The following SLC2A5 variants were observed in gnomAD, a reference collection of about 807,000 sequenced individuals.
SLC2A5 encodes solute carrier family 2 member 5, also known as solute carrier family 2, facilitated glucose transporter member 5.
In SLC2A5, 56 loss-of-function variants were observed where a neutral mutation model predicts 50.3. The observed-to-expected ratio is 1.11, with a 90% CI of 0.90 to 1.39. The LOEUF (loss-of-function observed/expected upper bound fraction) is 1.39. SLC2A5 is among the 40% of genes most tolerant of loss of function. SLC2A5 has a pLI of 0.00. For missense variants in SLC2A5, 566 were observed against 650.1 expected, an observed-to-expected ratio of 0.87 and a Z score of 1.41; for synonymous variants, 269 against 281.9, an observed-to-expected ratio of 0.95 and a Z score of 0.46.
At chr1:9,056,311 G>A (rs1280658098) in intron 3 of SLC2A5, among the ~76,000 whole-genome samples, 4 of 151,992 alleles carry the variant, frequency 2.6e-5, no homozygotes, top group Admixed American at 2.0e-4. Flanking sequence ...TCAGCCTCCC[G>A]AGTAGGGGGG....
intron 1 of SLC2A5, among the ~76,000 whole-genome samples, chr1:9,060,188 TACAC>T (rs1322991416): frequency 1.6e-5 from 2 of 127,982 alleles, no homozygotes; most frequent in Admixed American, 8.0e-5. Context: ...ATACACACAC[TACAC>T]ACACACTACA....
chr1:9,085,056 T>A (rs897525308), exon 2 of SLC2A5: 15 of 152,604 alleles, frequency 9.8e-5, no homozygotes, highest in African/African-American at 3.4e-4. Flanking sequence ...TTGGTGTTGA[T>A]GTGGGCACTG....
chr1:9,049,799 A>G (rs747739489), intron 3 of SLC2A5, among the ~76,000 whole-genome samples: 144 of 152,268 alleles, frequency 9.5e-4, no homozygotes, highest in Non-Finnish European at 1.5e-3. Flanking sequence ...GATCCTTGAC[A>G]AAGGAGCAAA....
intron 7 of SLC2A5, 42 bp from the exon 8 acceptor site, chr1:9,039,704 C>T (rs761217627): frequency 1.4e-6 from 2 of 1,456,648 alleles, no homozygotes; most frequent in Non-Finnish European, 1.8e-6. Context: ...CCGGAGGAGG[C>T]GGCCTCGGCG....
upstream of SLC2A5, among the ~76,000 whole-genome samples, chr1:9,089,476 G>C (rs946778715): frequency 6.6e-6 from 1 of 152,052 alleles, no homozygotes; most frequent in African/African-American, 2.4e-5. Flanking sequence ...CATCTCAGTG[G>C]GATCTCCTAA....
chr1:9,055,720 A>G (rs1242738107), intron 3 of SLC2A5, among the ~76,000 whole-genome samples: 4 of 152,040 alleles, frequency 2.6e-5, no homozygotes, highest in Non-Finnish European at 5.9e-5. Flanking sequence ...GTTTGAGACC[A>G]GCCTGGCCAA....
chr1:9,060,453 CCA>C (rs1271725942), intron 1 of SLC2A5, among the ~76,000 whole-genome samples: 1 of 146,858 alleles, frequency 6.8e-6, no homozygotes, highest in Admixed American at 6.8e-5. Context: ...CACACACCTC[CCA>C]CACACACCCC....
chr1:9,071,282 C>T (rs972160138), upstream of SLC2A5, among the ~76,000 whole-genome samples: 1 of 152,146 alleles, frequency 6.6e-6, no homozygotes, highest in African/African-American at 2.4e-5. Context: ...TGGTGGCAGA[C>T]GCCTGTAATC....
chr1:9,066,109 G>A (rs1158043755), intron 1 of SLC2A5, among the ~76,000 whole-genome samples: 4 of 152,154 alleles, frequency 2.6e-5, no homozygotes, highest in African/African-American at 9.7e-5. Flanking sequence ...GAGCACAGAG[G>A]GGTGTCAGTT....
At chr1:9,057,665 A>G (rs1385177351) in intron 2 of SLC2A5, 57 bp from the exon 3 acceptor site, 7 of 1,509,470 alleles carry the variant, frequency 4.6e-6, no homozygotes, top group Non-Finnish European at 5.5e-6. Flanking sequence ...TTGCAAGAAG[A>G]ACATTAGCTG....
chr1:9,090,763 G>A (rs1245790205), upstream of SLC2A5, among the ~76,000 whole-genome samples: 3 of 152,180 alleles, frequency 2.0e-5, no homozygotes, highest in African/African-American at 4.8e-5. Flanking sequence ...TCCTCCCCCA[G>A]GGGTTTAGGG....
rs70985579 is a variant in SLC2A5, at chr1:9,063,681, C to CTTTTTTTTTTTTTT, written c.34-5445_34-5432dup. ...AGCCAACACATCAGGCTATTATTTA[C>CTTTTTTTTTTTTTT]TTTTTTTTTTTTTTTTTTTTTTTTT... On this transcript the variant is annotated intron_variant, in intron 1 of 11. Coordinates refer to ENST00000377424, the MANE Select transcript of SLC2A5 (RefSeq NM_003039.3). 2.2e-4 allele frequency among the ~76,000 whole-genome samples: 10 copies of CTTTTTTTTTTTTTT among 45,144 alleles called. 1 individual carries two copies. Among genetic ancestry groups the CTTTTTTTTTTTTTT allele is most frequent in the African/African-American group, 1.1e-3 (10 of 9,072 alleles). The allele number at this position is 45,144 out of a possible 152,430, so 29.6% of individuals were successfully genotyped here. A position where few individuals can be genotyped will look rare whatever the true frequency, so the allele number is the denominator to read the frequency against.
chr1:9,047,239 G>T (rs949137189), intron 4 of SLC2A5, among the ~76,000 whole-genome samples: 3 of 152,152 alleles, frequency 2.0e-5, no homozygotes, highest in African/African-American at 7.2e-5. Flanking sequence ...TGGATTGCAG[G>T]TGTGAGCCAC....
intron 2 of SLC2A5, among the ~76,000 whole-genome samples, chr1:9,075,382 C>T (rs1642271635): frequency 6.6e-6 from 1 of 152,164 alleles, no homozygotes; most frequent in Non-Finnish European, 1.5e-5. Flanking sequence ...CCTATAAAAT[C>T]TCCAGCAAGC....
intron 4 of SLC2A5, among the ~76,000 whole-genome samples, chr1:9,044,557 TG>T (rs1641391369): frequency 6.6e-6 from 1 of 152,046 alleles, no homozygotes; most frequent in Non-Finnish European, 1.5e-5. Flanking sequence ...TGTGTTGGTT[TG>T]TTTGTTTTGT....
upstream of SLC2A5, among the ~76,000 whole-genome samples, chr1:9,092,072 C>T (rs138544396): frequency 6.6e-3 from 1,010 of 152,286 alleles, 5 homozygotes; most frequent in African/African-American, 0.023. Context: ...CATCTATTAA[C>T]GGCAGTTCTA....
Position 9,040,242 on chromosome 1 carries a change from C to A in SLC2A5, c.572-53G>T. On this transcript the variant is annotated intron_variant, in intron 5 of 11. Coordinates refer to ENST00000377424, the MANE Select transcript of SLC2A5 (RefSeq NM_003039.3). The surrounding 1 kb of genome is among the most constrained non-coding windows in gnomAD (Gnocchi z 4.3). ...AGCGGCCTCCCCACCACCCCGAAGG[C>A]GCCCTCTGCAGAGCCGGCCCCAGCC... is the stretch of plus-strand genomic sequence containing the variant. The A allele has an allele frequency of 6.5e-7, 1 of 1,528,764 alleles. No homozygotes were observed. The highest frequency in any genetic ancestry group is 8.8e-7 in the Non-Finnish European group (1 of 1,142,080). The allele number at this position is 1,528,764 out of a possible 1,614,324, so 94.7% of individuals were successfully genotyped here. A position where few individuals can be genotyped will look rare whatever the true frequency, so the allele number is the denominator to read the frequency against.
chr1:9,075,809 T>C (rs1458549377), intron 2 of SLC2A5, among the ~76,000 whole-genome samples: 1 of 151,998 alleles, frequency 6.6e-6, no homozygotes, highest in Non-Finnish European at 1.5e-5. Context: ...TACAGGCACC[T>C]GCCACCATGC....
Position 9,037,803 on chromosome 1 carries a change from G to A in SLC2A5, c.1303-14C>T. 6.2e-7 allele frequency: 1 copy of A among 1,614,068 alleles called. No individual in the cohort carries two copies. Among genetic ancestry groups the A allele is most frequent in the Non-Finnish European group, 8.5e-7 (1 of 1,180,012 alleles). On this transcript the variant is annotated splice_polypyrimidine_tract_variant and intron_variant, in intron 11 of 11. Transcript: ENST00000377424. ...GCCGAGGCCCTCCTGCGGGAAGAGG[G>A]GCAGGTGACACGTGTGGGACGTGGT...
Sources: allele counts gnomAD v4.1 joint callset (sites outside exome capture counted in the v4.1 genomes callset), GRCh38; gene constraint gnomAD v4.1.1; non-coding constraint Gnocchi (gnomAD v3.1); transcripts MANE v1.5; gene names NCBI Gene and HGNC (gene_info 2026-07-23, HGNC 2026-07-21).